The following IGSF11 variants were observed in gnomAD, a reference collection of about 807,000 sequenced individuals.
The protein encoded by IGSF11 is CXADR like 1.
A neutral mutation model predicts 41.0 loss-of-function variants in IGSF11; 22 were observed. The observed-to-expected ratio is 0.54, with a 90% CI of 0.38 to 0.77. The LOEUF (loss-of-function observed/expected upper bound fraction) is 0.77, where lower values mean the gene tolerates loss of function less well. Ranked by LOEUF, IGSF11 falls within the 30% of genes least tolerant of loss-of-function variation. The pLI is 0.00. For synonymous variants in IGSF11, 219 were observed against 201.3 expected, an observed-to-expected ratio of 1.09 and a Z score of -0.74; for missense variants, 444 against 530.8, an observed-to-expected ratio of 0.84 and a Z score of 1.61.
chr3:119,113,388 A>G (rs1051839128), intron 1 of IGSF11, among the ~76,000 whole-genome samples: 3 of 152,234 alleles, frequency 2.0e-5, no homozygotes, highest in Non-Finnish European at 2.9e-5. Context: ...TGGGCATTGG[A>G]AAAATACTCC....
At chr3:118,952,040 C>T (rs1328399880) in intron 1 of IGSF11, among the ~76,000 whole-genome samples, 1 of 152,078 alleles carries the variant, frequency 6.6e-6, no homozygotes, top group African/African-American at 2.4e-5. Flanking sequence ...GCAAGTCATA[C>T]ATATTTTTTG....
At chr3:118,969,831 G>A (rs919201240) in intron 1 of IGSF11, among the ~76,000 whole-genome samples, 1 of 152,168 alleles carries the variant, frequency 6.6e-6, no homozygotes, top group African/African-American at 2.4e-5. Context: ...GATGGGTGGA[G>A]GTCATCAGCA....
At chr3:119,073,698 G>C (rs1381807167) in intron 1 of IGSF11, among the ~76,000 whole-genome samples, 1 of 152,202 alleles carries the variant, frequency 6.6e-6, no homozygotes, top group African/African-American at 2.4e-5. Flanking sequence ...TGCTCCAAGT[G>C]TGGGGCCACT....
At chr3:119,098,547 C>T (rs1477736240) in intron 1 of IGSF11, among the ~76,000 whole-genome samples, 5 of 152,084 alleles carry the variant, frequency 3.3e-5, no homozygotes, top group African/African-American at 1.2e-4. Context: ...GAGATTAACA[C>T]ATTTGCTGTA....
intron 4 of IGSF11, among the ~76,000 whole-genome samples, chr3:118,914,372 A>G (rs1559885937): frequency 6.6e-6 from 1 of 151,720 alleles, no homozygotes; most frequent in Non-Finnish European, 1.5e-5. Flanking sequence ...GGAGTGCCAG[A>G]CAGTGGGCGC....
At chr3:119,093,221 C>T (rs72953055) in intron 1 of IGSF11, among the ~76,000 whole-genome samples, 4 of 152,206 alleles carry the variant, frequency 2.6e-5, no homozygotes, top group Non-Finnish European at 5.9e-5. Flanking sequence ...TGCTGAGCTA[C>T]GTCCGCCTTC....
intron 1 of IGSF11, among the ~76,000 whole-genome samples, chr3:119,049,077 A>C (rs1941500393): frequency 6.6e-6 from 1 of 151,674 alleles, no homozygotes. Context: ...ATTCCCTTTG[A>C]AAACTGGCAC....
chr3:119,075,932 A>G (rs2076487306), intron 1 of IGSF11, among the ~76,000 whole-genome samples: 1 of 152,206 alleles, frequency 6.6e-6, no homozygotes, highest in Admixed American at 6.5e-5. Context: ...TATGGAACCT[A>G]AAAAGAGCCC....
Position 118,930,275 on chromosome 3 carries a change from C to G in IGSF11, c.53G>C (p.Gly18Ala). The G allele has an allele frequency of 1.2e-6, 2 of 1,610,660 alleles. No individual in the cohort carries two copies. Among genetic ancestry groups the G allele is most frequent in the Non-Finnish European group, 1.7e-6 (2 of 1,178,476 alleles). ...TGACACTTCCAGGGATGCTGCAACACCTACAGAAGAAGGAACAGGGAGGTT... is the reference window on the plus strand; with the variant it reads ...TGACACTTCCAGGGATGCTGCAACAGCTACAGAAGAAGGAACAGGGAGGTT... ...LAPLLLLSLHGVAASLEVSES... is the reference protein window; with the variant it reads ...LAPLLLLSLHAVAASLEVSES... The change falls in exon 2 of 7, where the codon GGT (glycine) becomes GCT (alanine). Residue 18 changes from glycine (G) to alanine (A), a missense_variant and splice_region_variant. By Grantham distance (60) the Gly-to-Ala change is moderately conservative (BLOSUM62 0). Coordinates refer to ENST00000393775, the MANE Select transcript of IGSF11 (RefSeq NM_001015887.3).
Position 119,078,268 on chromosome 3 carries a change from T to C in IGSF11, c.49+26876A>G, listed in dbSNP as rs1444326274. Among the ~76,000 whole-genome samples the C allele has an allele frequency of 2.6e-5, 4 of 152,186 alleles. No homozygotes were observed. The South Asian group carries it at 8.3e-4, about 32-fold the overall frequency. ...TCATACTACCTGATGTCAAGTACTATACTACAAGGATACATTAACCAAAAC... is the reference window on the plus strand; with the variant it reads ...TCATACTACCTGATGTCAAGTACTACACTACAAGGATACATTAACCAAAAC... On this transcript the variant is annotated intron_variant, in intron 1 of 6. Transcript: ENST00000354673.
intron 2 of IGSF11, among the ~76,000 whole-genome samples, chr3:118,929,530 T>C (rs932027757): frequency 4.6e-5 from 7 of 152,240 alleles, no homozygotes; most frequent in African/African-American, 9.6e-5. Flanking sequence ...TCACAATTCA[T>C]TAACTTCCTG....
intron 1 of IGSF11, among the ~76,000 whole-genome samples, chr3:119,043,093 C>T (rs1035874080): frequency 8.5e-5 from 13 of 152,270 alleles, no homozygotes; most frequent in Middle Eastern, 6.8e-3. Flanking sequence ...CAGCGACTAG[C>T]GTTCAGCTTG....
At chr3:118,908,117 C>T (rs1455855250) in intron 4 of IGSF11, among the ~76,000 whole-genome samples, 3 of 152,130 alleles carry the variant, frequency 2.0e-5, no homozygotes, top group Non-Finnish European at 4.4e-5. Context: ...TCACACCAAA[C>T]TGGTAATTTT....
At chr3:119,099,647 C>T (rs2076910759) in intron 1 of IGSF11, among the ~76,000 whole-genome samples, 1 of 152,186 alleles carries the variant, frequency 6.6e-6, no homozygotes, top group African/African-American at 2.4e-5. Flanking sequence ...GGTATAGCTG[C>T]AGTGGCAAGT....
At chr3:118,942,774 C>T (rs567103604) in intron 1 of IGSF11, among the ~76,000 whole-genome samples, 4 of 152,184 alleles carry the variant, frequency 2.6e-5, no homozygotes, top group South Asian at 2.1e-4. Context: ...TTTATCTTGT[C>T]GGCTTTGCAG....
At chr3:119,054,411 G>A (rs988852558) in intron 1 of IGSF11, among the ~76,000 whole-genome samples, 1 of 152,062 alleles carries the variant, frequency 6.6e-6, no homozygotes, top group Non-Finnish European at 1.5e-5. Context: ...ATAAACAAAT[G>A]GTCACCAAAC....
intron 1 of IGSF11, among the ~76,000 whole-genome samples, chr3:119,073,170 A>T (rs972219038): frequency 6.6e-6 from 1 of 152,142 alleles, no homozygotes; most frequent in Non-Finnish European, 1.5e-5. Flanking sequence ...AGCTAGACAT[A>T]AAGGTTCTCC....
chr3:119,017,039 C>CAAAAAAAAAAAAAAAAAAAAAA (rs60190891), intron 1 of IGSF11, among the ~76,000 whole-genome samples: 2 of 88,322 alleles, frequency 2.3e-5, no homozygotes, highest in Non-Finnish European at 5.0e-5. Context: ...GGACGCAGGA[C>CAAAAAAAAAAAAAAAAAAAAAA]AAAAAAAAAA....
Position 119,094,223 on chromosome 3 carries a change from TAAAAAAAAA to T in IGSF11, c.49+10912_49+10920del, listed in dbSNP as rs1175348778. 1.4e-3 allele frequency among the ~76,000 whole-genome samples: 48 copies of T among 35,074 alleles called. 1 individual carries two copies. The East Asian group carries it at 0.05, about 37-fold the overall frequency. 23.0% of individuals were successfully genotyped at this position (35,074 alleles called of 152,430 possible). Reference sequence around the variant, plus strand: ...TGGAAAGAAGGACTACATAGCGAAGTAAAAAAAAAAAAAAAAAAAAAAAAAAAAGTTGTT... The same window carrying T: ...TGGAAAGAAGGACTACATAGCGAAGTAAAAAAAAAAAAAAAAAAAGTTGTT... On this transcript the variant is annotated intron_variant, in intron 1 of 6. Transcript: ENST00000354673.
Sources: allele counts gnomAD v4.1 joint callset (sites outside exome capture counted in the v4.1 genomes callset), GRCh38; gene constraint gnomAD v4.1.1; transcripts MANE v1.5; gene names NCBI Gene and HGNC (gene_info 2026-07-23, HGNC 2026-07-21).